Variants in CNBD1 observed in about 807,000 individuals in gnomAD.
CNBD1 encodes cyclic nucleotide-binding domain-containing protein 1.
In CNBD1, 71 loss-of-function variants were observed where a neutral mutation model predicts 54.4. The ratio of observed to expected loss-of-function variants is 1.30; its 90% confidence interval spans 1.08 to 1.59. The LOEUF is 1.59. CNBD1 is among the 40% of genes most tolerant of loss of function. The probability of loss-of-function intolerance (pLI) is 0.00; values close to 1 mark genes in which losing one functional copy is unlikely to be tolerated. For synonymous variants in CNBD1, 182 were observed against 170.7 expected, an observed-to-expected ratio of 1.07 and a Z score of -0.51; for missense variants, 659 against 518.0, an observed-to-expected ratio of 1.27 and a Z score of -2.64.
At chr8:87,008,233 A>G (rs1225610174) in intron 4 of CNBD1, among the ~76,000 whole-genome samples, 1 of 152,204 alleles carries the variant, frequency 6.6e-6, no homozygotes, top group Admixed American at 6.5e-5. Context: ...AGGTTCTCTC[A>G]GTTGTTTTTA....
chr8:87,010,019 C>T (rs1355177605), intron 4 of CNBD1, among the ~76,000 whole-genome samples: 1 of 152,060 alleles, frequency 6.6e-6, no homozygotes, highest in Non-Finnish European at 1.5e-5. Flanking sequence ...AAGGGAATAT[C>T]CTCTCCTACC....
At chr8:87,387,756 C>T (rs143049486), downstream of CNBD1, among the ~76,000 whole-genome samples, 29 of 152,028 alleles carry the variant, frequency 1.9e-4, 1 homozygote, top group East Asian at 5.6e-3. Context: ...CCAAGAGGAC[C>T]TAATAGACAT....
chr8:87,275,674 G>T (rs1301648315), intron 6 of CNBD1, among the ~76,000 whole-genome samples: 1 of 151,646 alleles, frequency 6.6e-6, no homozygotes, highest in Non-Finnish European at 1.5e-5. Flanking sequence ...AGACAGGGAT[G>T]CCCTCTCTCA....
chr8:86,978,383 T>A (rs1056142670), intron 4 of CNBD1, among the ~76,000 whole-genome samples: 10 of 152,110 alleles, frequency 6.6e-5, no homozygotes, highest in African/African-American at 2.4e-4. Context: ...ATAAATGAGA[T>A]AGCAGATAAT....
Position 86,954,049 on chromosome 8 carries a change from C to T in CNBD1, c.431+14295C>T, listed in dbSNP as rs557772177. ...GTTATTATAAGTCATCCATTTAAAT[C>T]ATGACTCAAAGTGAAAAACTTTATT... On this transcript the variant is annotated intron_variant, in intron 4 of 10. Coordinates refer to ENST00000518476, the MANE Select transcript of CNBD1 (RefSeq NM_173538.3). Among the ~76,000 whole-genome samples, 4 of 152,266 alleles carry T rather than the reference C, an allele frequency of 2.6e-5. No homozygotes were observed. In the East Asian group the frequency reaches 7.7e-4, roughly 29 times the overall value.
chr8:86,902,308 C>T lies in CNBD1; in HGVS notation c.159-2773C>T, dbSNP rs181856710. Reference sequence around the variant, plus strand: ...ACCTTTTTGGGAGTTGGGGGGGGAGCCATACAATCCATAGCAGTTATTAAC... The same window carrying T: ...ACCTTTTTGGGAGTTGGGGGGGGAGTCATACAATCCATAGCAGTTATTAAC... On this transcript the variant is annotated intron_variant, in intron 2 of 10. Transcript: ENST00000518476. Among the ~76,000 whole-genome samples, 371 of 151,976 alleles carry T rather than the reference C, an allele frequency of 2.4e-3. 6 individuals carry two copies. In the South Asian group the frequency reaches 0.033, roughly 14 times the overall value.
In CNBD1 at chr8:86,902,882, A is replaced by G. The variant is rs112808122; in HGVS notation, c.159-2199A>G. Among the ~76,000 whole-genome samples the G allele has an allele frequency of 2.6e-3, 396 of 152,180 alleles. 2 individuals are homozygous for G. Among genetic ancestry groups the G allele is most frequent in the African/African-American group, 9.3e-3 (387 of 41,532 alleles). On this transcript the variant is annotated intron_variant, in intron 2 of 10. Coordinates refer to ENST00000518476, the MANE Select transcript of CNBD1 (RefSeq NM_173538.3). ...TTTATGTTTCCCCTCAGCTACTTCT[A>G]TATTCCATATTTAGATACATTTATT...
At chr8:87,223,678 T>C (rs1432453290) in intron 5 of CNBD1, among the ~76,000 whole-genome samples, 1 of 152,092 alleles carries the variant, frequency 6.6e-6, no homozygotes, top group African/African-American at 2.4e-5. Flanking sequence ...TCTTTGCTAT[T>C]GTGAATAATG....
intron 4 of CNBD1, among the ~76,000 whole-genome samples, chr8:87,029,114 TG>T (rs1809723228): frequency 6.6e-6 from 1 of 152,218 alleles, no homozygotes; most frequent in African/African-American, 2.4e-5. Context: ...GAAGGTGATT[TG>T]GGAGAAAAAA....
At chr8:87,342,466 A>T (rs1291672366) in intron 8 of CNBD1, among the ~76,000 whole-genome samples, 1 of 152,166 alleles carries the variant, frequency 6.6e-6, no homozygotes, top group Non-Finnish European at 1.5e-5. Flanking sequence ...ATTTTAGAAA[A>T]TGTAATTATG....
At chr8:87,327,614 G>C (rs1809709922) in intron 8 of CNBD1, among the ~76,000 whole-genome samples, 1 of 152,198 alleles carries the variant, frequency 6.6e-6, no homozygotes, top group African/African-American at 2.4e-5. Flanking sequence ...GGAACTCCCT[G>C]ACCCCTTGCG....
intron 4 of CNBD1, among the ~76,000 whole-genome samples, chr8:86,947,433 A>G (rs780469914): frequency 4.6e-5 from 7 of 152,086 alleles, no homozygotes; most frequent in Non-Finnish European, 1.0e-4. Context: ...ATTGTACAGC[A>G]AGGTCCATCA....
At chr8:86,870,881 G>A (rs1176960395) in intron 1 of CNBD1, among the ~76,000 whole-genome samples, 2 of 152,218 alleles carry the variant, frequency 1.3e-5, no homozygotes, top group Middle Eastern at 6.8e-3. Context: ...AAGGTTGAAT[G>A]TTTGTGTCCA....
chr8:87,426,710 A>G, intron 2 of CNBD1, among the ~76,000 whole-genome samples: 1 of 152,198 alleles, frequency 6.6e-6, no homozygotes, highest in East Asian at 1.9e-4. Context: ...TACATGAAAT[A>G]ACGGCAATTG....
chr8:87,248,224 C>G (rs1034804044), intron 6 of CNBD1, among the ~76,000 whole-genome samples: 1 of 152,206 alleles, frequency 6.6e-6, no homozygotes, highest in African/African-American at 2.4e-5. Flanking sequence ...CATTAATCCT[C>G]TCTAGCAATT....
intron 8 of CNBD1, among the ~76,000 whole-genome samples, chr8:87,312,733 C>A (rs999047490): frequency 3.3e-5 from 5 of 151,780 alleles, no homozygotes; most frequent in African/African-American, 1.2e-4. Context: ...AAATCTAGCA[C>A]TTTAGAAGAC....
intron 10 of CNBD1, among the ~76,000 whole-genome samples, chr8:87,367,272 T>G (rs1316907952): frequency 4.6e-5 from 7 of 152,052 alleles, no homozygotes; most frequent in African/African-American, 1.7e-4. Context: ...CCTTCACAGG[T>G]CTCAAGGTGT....
chr8:87,219,635 G>C (rs765389077), intron 5 of CNBD1, among the ~76,000 whole-genome samples: 21 of 151,908 alleles, frequency 1.4e-4, no homozygotes, highest in Non-Finnish European at 2.8e-4. Context: ...TACAGACTTG[G>C]AGCTTAGCTG....
At chr8:86,964,184 G>A (rs1330816477) in intron 4 of CNBD1, among the ~76,000 whole-genome samples, 1 of 152,286 alleles carries the variant, frequency 6.6e-6, no homozygotes, top group African/African-American at 2.4e-5. Context: ...GAGGAAGGCA[G>A]TGGGACTCTC....
Sources: gnomAD v4.1 joint callset for allele counts (sites outside exome capture counted in the v4.1 genomes callset) on GRCh38, gnomAD v4.1.1 for gene constraint, MANE v1.5 for transcripts, NCBI Gene and HGNC (gene_info 2026-07-23, HGNC 2026-07-21) for gene names.